The following RBL2 variants were observed in gnomAD, a reference collection of about 807,000 sequenced individuals.
RBL2 encodes RB transcriptional corepressor like 2, also known as retinoblastoma-like protein 2.
A neutral mutation model predicts 126.0 loss-of-function variants in RBL2; 56 were observed. The observed-to-expected ratio is 0.44, with a 90% CI of 0.36 to 0.56. The LOEUF is 0.56. Ranked by LOEUF, RBL2 falls within the 20% of genes least tolerant of loss-of-function variation. RBL2 has a pLI of 0.00. For synonymous variants in RBL2, 454 were observed against 478.5 expected (o/e 0.95, Z 0.67); for missense variants, 1,229 against 1,398.2 (o/e 0.88, Z 1.93).
chr16:53,440,001 A>G (rs1363006496), intron 2 of RBL2, among the ~76,000 whole-genome samples: 1 of 149,810 alleles, frequency 6.7e-6, no homozygotes, highest in Admixed American at 6.7e-5. Context: ...TAAAATAATT[A>G]GCAGGCTGGG....
At chr16:53,439,662 TAATTA>T (rs1475180218) in intron 2 of RBL2, among the ~76,000 whole-genome samples, 1 of 152,208 alleles carries the variant, frequency 6.6e-6, no homozygotes, top group African/African-American at 2.4e-5. Flanking sequence ...ATCTGTTGTG[TAATTA>T]AATTGATTAC....
intron 17 of RBL2, among the ~76,000 whole-genome samples, chr16:53,476,012 C>A (rs1053651665): frequency 6.6e-6 from 1 of 151,020 alleles, no homozygotes; most frequent in Non-Finnish European, 1.5e-5. Context: ...TTTGTAGATA[C>A]GAGATTTTGC....
chr16:53,436,714 A>G (rs1227903286), intron 1 of RBL2, among the ~76,000 whole-genome samples: 1 of 152,236 alleles, frequency 6.6e-6, no homozygotes, highest in African/African-American at 2.4e-5. Context: ...TCATTCTCAC[A>G]GTCCTCAGCC....
intron 6 of RBL2, 26 bp from the exon 7 acceptor site, chr16:53,453,679 C>T: frequency 6.2e-7 from 1 of 1,605,188 alleles, no homozygotes; most frequent in Non-Finnish European, 8.5e-7. Flanking sequence ...AACATGACGA[C>T]TTAAGGATCT....
chr16:53,455,718 A>G lies in RBL2; in HGVS notation c.1179+876A>G, dbSNP rs550212463. ...GTTGGGAACGGTGTCACACACCAGA[A>G]GTAAGTGAGGAAGCAAGCCATATGA... is the stretch of plus-strand genomic sequence containing the variant. On this transcript the variant is annotated intron_variant, in intron 8 of 21. Transcript: ENST00000262133. Among the ~76,000 whole-genome samples, 12 of 152,342 alleles carry G rather than the reference A, an allele frequency of 7.9e-5. No homozygotes were observed. The East Asian group carries it at 1.9e-3, about 24-fold the overall frequency.
chr16:53,462,001 T>C lies in RBL2; in HGVS notation c.1456+151T>C, dbSNP rs564142929. 11 of 615,432 alleles carry C rather than the reference T, an allele frequency of 1.8e-5. No homozygotes were observed. In the Admixed American group the frequency reaches 3.0e-4, roughly 17 times the overall value. The allele number at this position is 615,432 out of a possible 1,614,324, so 38.1% of individuals were successfully genotyped here. A position where few individuals can be genotyped will look rare whatever the true frequency, so the allele number is the denominator to read the frequency against. On this transcript the variant is annotated intron_variant, in intron 10 of 21. Transcript: ENST00000262133. ...CCAATTTTTCTGGTCAACCAACTGA[T>C]TTCTGAGCCCTTCTCAGTAAGATAG...
chr16:53,435,556 G>T lies in RBL2; in HGVS notation c.240+760G>T, dbSNP rs2057950683. On this transcript the variant is annotated intron_variant, in intron 1 of 21. Coordinates refer to ENST00000262133, the MANE Select transcript of RBL2 (RefSeq NM_005611.4). Reference sequence around the variant, plus strand: ...GAAAAATGGCCATTCTAGCCAGTGAGTGTCAGCTTTGTATGCACCTCCCCT... The same window carrying T: ...GAAAAATGGCCATTCTAGCCAGTGATTGTCAGCTTTGTATGCACCTCCCCT... 4.3e-5 allele frequency: 52 copies of T among 1,209,252 alleles called. 1 individual carries two copies. In the South Asian group the frequency reaches 7.3e-4, roughly 17 times the overall value. The allele number at this position is 1,209,252 out of a possible 1,614,324, so 74.9% of individuals were successfully genotyped here.
At position 53,477,336 on chromosome 16, in the gene RBL2, CCTTT is replaced by C. The variant is rs535374983; in HGVS notation, c.2704-1805_2704-1802del. Reference sequence around the variant, plus strand: ...TAACCTTATTAATAATTTCTGGTTTCCTTTCTTTCTTTCTTTTTTAAGACTGAGT... The same window carrying C: ...TAACCTTATTAATAATTTCTGGTTTCCTTTCTTTCTTTTTTAAGACTGAGT... On this transcript the variant is annotated intron_variant, in intron 17 of 21. Coordinates refer to ENST00000262133, the MANE Select transcript of RBL2 (RefSeq NM_005611.4). Among the ~76,000 whole-genome samples the C allele has an allele frequency of 5.1e-3, 774 of 152,054 alleles. 15 individuals are homozygous for C. The highest frequency in any genetic ancestry group is 0.017 in the African/African-American group (713 of 41,474).
chr16:53,479,828 AC>A, intron 18 of RBL2, 57 bp from the exon 19 acceptor site: 1 of 1,200,786 alleles, frequency 8.3e-7, no homozygotes, highest in Non-Finnish European at 1.2e-6. Context: ...AGGTCCTATC[AC>A]CAAGGGTGTG....
Position 53,434,786 on chromosome 16 carries a change from A to G in RBL2, c.230A>G (p.Tyr77Cys). The G allele has an allele frequency of 6.6e-7, 1 of 1,508,640 alleles. No homozygotes were observed. Among genetic ancestry groups the G allele is most frequent in the Non-Finnish European group, 8.8e-7 (1 of 1,130,386 alleles). The allele number at this position is 1,508,640 out of a possible 1,614,324, so 93.5% of individuals were successfully genotyped here. A position where few individuals can be genotyped will look rare whatever the true frequency, so the allele number is the denominator to read the frequency against. The change falls in exon 1 of 22, where the codon TAC (tyrosine) becomes TGC (cysteine). Residue 77 changes from tyrosine to cysteine, a missense_variant. Transcript: ENST00000262133. ...AGCTACCGCAGCATGAGCGAAAGCTACACGCTGGAGGTGCGCTCGCGGGCG... is the reference window on the plus strand; with the variant it reads ...AGCTACCGCAGCATGAGCGAAAGCTGCACGCTGGAGGTGCGCTCGCGGGCG... ...WDSYRSMSES[Y>C]TLEGNDLHWL... is the part of the protein sequence containing the mutation.
rs569448560 is a variant in RBL2, at chr16:53,446,211, G to A, written c.573-831G>A. On this transcript the variant is annotated intron_variant, in intron 3 of 21. Coordinates refer to ENST00000262133, the MANE Select transcript of RBL2 (RefSeq NM_005611.4). ...AATAGTTTATCATGCGCCTATGGTA[G>A]AGAGGCTACTTTTAAAAGCAGAACA... 2.0e-5 allele frequency among the ~76,000 whole-genome samples: 3 copies of A among 152,310 alleles called. No individual in the cohort carries two copies. In the South Asian group the frequency reaches 6.2e-4, roughly 32 times the overall value.
In RBL2 at chr16:53,451,719, T is replaced by G. The variant is rs1431665557; in HGVS notation, c.654T>G (p.Ile218Met). Reference sequence around the variant, plus strand: ...ATCCTGCAGGTAATTTCCCCATGATTAGTGATGATTTGGTCAATTCTTATC... The same window carrying G: ...ATCCTGCAGGTAATTTCCCCATGATGAGTGATGATTTGGTCAATTCTTATC... ...FIYAKGNFPMISDDLVNSYHL... is the reference protein window; with the variant it reads ...FIYAKGNFPMMSDDLVNSYHL... The change falls in exon 5 of 22, where the codon ATT becomes ATG. Residue 218 changes from isoleucine to methionine, a missense_variant. Ile to Met is a conservative substitution (Grantham distance 10). Transcript: ENST00000262133. The G allele has an allele frequency of 5.6e-6, 9 of 1,613,024 alleles. No homozygotes were observed. The highest frequency in any genetic ancestry group is 7.6e-6 in the Non-Finnish European group (9 of 1,179,228).
At position 53,491,561 on chromosome 16, in the gene RBL2, CA is replaced by C. The variant is rs987739978; in HGVS notation, c.*1266del. 4.6e-5 allele frequency: 7 copies of C among 152,424 alleles called. No individual in the cohort carries two copies. Among genetic ancestry groups the C allele is most frequent in the African/African-American group, 1.4e-4 (6 of 41,384 alleles). The allele number at this position is 152,424 out of a possible 1,614,324, so 9.4% of individuals were successfully genotyped here. A position where few individuals can be genotyped will look rare whatever the true frequency, so the allele number is the denominator to read the frequency against. ...ATTGTTCAATTAGAATAGTGTTCTG[CA>C]AAAATATTTATAAAACTTCTCAAGA... is the stretch of plus-strand genomic sequence containing the variant. On this transcript the variant is annotated 3_prime_UTR_variant, in exon 22 of 22. Transcript: ENST00000262133.
chr16:53,485,753 G>A (rs1170642615), intron 21 of RBL2, among the ~76,000 whole-genome samples: 1 of 152,018 alleles, frequency 6.6e-6, no homozygotes, highest in Non-Finnish European at 1.5e-5. Context: ...CTACTCCGGA[G>A]GATAAGGTGG....
At chr16:53,485,431 C>T (rs1961125782) in intron 21 of RBL2, among the ~76,000 whole-genome samples, 1 of 152,110 alleles carries the variant, frequency 6.6e-6, no homozygotes, top group African/African-American at 2.4e-5. Flanking sequence ...AATACATACA[C>T]CTATGTTCCA....
Position 53,469,910 on chromosome 16 carries a change from C to A in RBL2, c.1976-6C>A. Reference sequence around the variant, plus strand: ...AAATGCTTTGTTTGATTTGTTTTGACCCTAGGCATAACATCTCCAACCACA... The same window carrying A: ...AAATGCTTTGTTTGATTTGTTTTGAACCTAGGCATAACATCTCCAACCACA... On this transcript the variant is annotated splice_region_variant and splice_polypyrimidine_tract_variant and intron_variant, in intron 14 of 21. Transcript: ENST00000262133. 2 of 1,545,596 alleles carry A rather than the reference C, an allele frequency of 1.3e-6. No individual in the cohort carries two copies. Among genetic ancestry groups the A allele is most frequent in the Non-Finnish European group, 1.8e-6 (2 of 1,141,504 alleles).
rs36075761 is a variant in RBL2, at chr16:53,477,057, TTGTG to T, written c.2704-2075_2704-2072del. On this transcript the variant is annotated intron_variant, in intron 17 of 21. Transcript: ENST00000262133. ...TTAACGTCAGTACTTTGGTTTCATT[TTGTG>T]TGTGTGTGTGTGTGTGTGTGTAGTG... Among the ~76,000 whole-genome samples, 1,166 of 150,958 alleles carry T rather than the reference TTGTG, an allele frequency of 7.7e-3. 20 individuals are homozygous for T. Among genetic ancestry groups the T allele is most frequent in the African/African-American group, 0.027 (1,111 of 41,226 alleles).
chr16:53,447,364 A>G (rs1233932574), intron 4 of RBL2, among the ~76,000 whole-genome samples: 1 of 151,742 alleles, frequency 6.6e-6, no homozygotes, highest in East Asian at 1.9e-4. Context: ...ACCCAAAGCT[A>G]CTCTTTTAAA....
At chr16:53,478,520 A>G (rs1266674761) in intron 17 of RBL2, among the ~76,000 whole-genome samples, 1 of 143,088 alleles carries the variant, frequency 7.0e-6, no homozygotes, top group African/African-American at 2.6e-5. Flanking sequence ...AGATCACACA[A>G]TCTCTTTCTT....
Sources: allele counts gnomAD v4.1 joint callset (sites outside exome capture counted in the v4.1 genomes callset), GRCh38; gene constraint gnomAD v4.1.1; transcripts MANE v1.5; gene names NCBI Gene and HGNC (gene_info 2026-07-23, HGNC 2026-07-21).